ILRUN: variants seen among roughly 807,000 people sequenced by gnomAD.
ILRUN encodes the protein protein ILRUN.
In ILRUN, 3 loss-of-function variants were observed where a neutral mutation model predicts 33.8. The ratio of observed to expected loss-of-function variants is 0.09; its 90% CI spans 0.04 to 0.23. ILRUN has a LOEUF of 0.23. Among genes scored for constraint, ILRUN ranks in the 10% least tolerant of loss-of-function variants. The probability of loss-of-function intolerance (pLI) is 1.00; values close to 1 mark genes in which losing one functional copy is unlikely to be tolerated. For missense variants in ILRUN, 210 were observed against 375.1 expected, an observed-to-expected ratio of 0.56 and a Z score of 3.64; for synonymous variants, 124 against 138.9, an observed-to-expected ratio of 0.89 and a Z score of 0.75.
intron 1 of ILRUN, among the ~76,000 whole-genome samples, chr6:34,690,495 AATTG>A (rs905457309): frequency 3.5e-4 from 53 of 152,012 alleles, no homozygotes; most frequent in East Asian, 2.5e-3. Flanking sequence ...TAAATAAATA[AATTG>A]ATTAAAAGGG....
At chr6:34,597,237 C>T (rs1175552150) in intron 4 of ILRUN, among the ~76,000 whole-genome samples, 2 of 152,158 alleles carry the variant, frequency 1.3e-5, no homozygotes, top group Non-Finnish European at 2.9e-5. Context: ...GTAAAGATTT[C>T]AGAAAAAAGC....
intron 1 of ILRUN, among the ~76,000 whole-genome samples, chr6:34,678,836 C>CAAAA (rs767799882): frequency 0.026 from 1,144 of 44,666 alleles, 29 homozygotes; most frequent in African/African-American, 0.041. Flanking sequence ...GACTCCGTCT[C>CAAAA]AAAAAAAAAA....
intron 2 of ILRUN, among the ~76,000 whole-genome samples, chr6:34,648,427 G>A (rs911525129): frequency 1.3e-5 from 2 of 152,122 alleles, no homozygotes; most frequent in Non-Finnish European, 2.9e-5. Context: ...ATTATGAATG[G>A]CACCCTCTGT....
intron 3 of ILRUN, among the ~76,000 whole-genome samples, chr6:34,608,703 T>C (rs567612239): frequency 8.1e-4 from 124 of 152,308 alleles, no homozygotes; most frequent in African/African-American, 2.9e-3. Flanking sequence ...AAAACATCAT[T>C]ATACAGTACA....
At chr6:34,654,545 T>C (rs1762733257) in intron 2 of ILRUN, 80 bp downstream of exon 2, 1 of 1,427,502 alleles carries the variant, frequency 7.0e-7, no homozygotes, top group Non-Finnish European at 9.5e-7. Flanking sequence ...ATCACATACA[T>C]AAGCTAAAAC....
rs549466574 is a variant in ILRUN at position 34,661,953 on chromosome 6, G to A, written c.159-7174C>T. 1.3e-4 allele frequency among the ~76,000 whole-genome samples: 20 copies of A among 151,928 alleles called. No individual in the cohort carries two copies. In the South Asian group the frequency reaches 3.5e-3, roughly 27 times the overall value. On this transcript the variant is annotated intron_variant, in intron 1 of 4. Transcript: ENST00000374023. ...ATCCTGGCTAAAACAGTGAAACCCC[G>A]TCTCTACTAAAAATGCAAAAAATTA...
chr6:34,682,590 CA>C (rs1763391707), intron 1 of ILRUN, among the ~76,000 whole-genome samples: 1 of 151,892 alleles, frequency 6.6e-6, no homozygotes, highest in African/African-American at 2.4e-5. Flanking sequence ...CCTCTCATCT[CA>C]GCCTCCCAAG....
intron 3 of ILRUN, among the ~76,000 whole-genome samples, chr6:34,631,535 G>C (rs572578580): frequency 2.6e-5 from 4 of 152,134 alleles, no homozygotes; most frequent in Admixed American, 2.0e-4. Flanking sequence ...CACCAAGTTG[G>C]CCAGGCTGGT....
At chr6:34,679,464 A>G (rs149643045) in intron 1 of ILRUN, among the ~76,000 whole-genome samples, 1,713 of 152,342 alleles carry the variant, frequency 0.011, 12 homozygotes, top group Non-Finnish European at 0.016. Context: ...GAAATGTTCA[A>G]TACTGAATTT....
chr6:34,683,007 T>C (rs1347472805), intron 1 of ILRUN, among the ~76,000 whole-genome samples: 1 of 151,760 alleles, frequency 6.6e-6, no homozygotes, highest in African/African-American at 2.4e-5. Context: ...CACACATCTG[T>C]AGTCCCAGCT....
chr6:34,600,381 T>C (rs1024826752), intron 4 of ILRUN, among the ~76,000 whole-genome samples: 3 of 152,210 alleles, frequency 2.0e-5, no homozygotes, highest in Non-Finnish European at 2.9e-5. Context: ...CCTAAAATAT[T>C]CTTTCTCCAG....
At chr6:34,676,998 TAAA>T (rs3044899) in intron 1 of ILRUN, among the ~76,000 whole-genome samples, 3,046 of 131,214 alleles carry the variant, frequency 0.023, 66 homozygotes, top group African/African-American at 0.058. Flanking sequence ...ATGTCACAAT[TAAA>T]AAAAAAAAAA....
At chr6:34,613,788 T>G (rs1467088409) in intron 3 of ILRUN, among the ~76,000 whole-genome samples, 1 of 152,256 alleles carries the variant, frequency 6.6e-6, no homozygotes, top group Non-Finnish European at 1.5e-5. Flanking sequence ...ATGTATTATC[T>G]AGCTCTGTTT....
chr6:34,678,152 G>C (rs1040103268), intron 1 of ILRUN, among the ~76,000 whole-genome samples: 3 of 152,052 alleles, frequency 2.0e-5, no homozygotes, highest in African/African-American at 7.2e-5. Flanking sequence ...AGATTCTCCT[G>C]CTTCAGCCTC....
intron 3 of ILRUN, among the ~76,000 whole-genome samples, chr6:34,637,176 G>A (rs925944973): frequency 6.6e-6 from 1 of 152,066 alleles, no homozygotes; most frequent in African/African-American, 2.4e-5. Flanking sequence ...CTCTGACAGG[G>A]CTATATTCCC....
intron 3 of ILRUN, among the ~76,000 whole-genome samples, chr6:34,640,574 G>A (rs1375708065): frequency 6.6e-6 from 1 of 152,018 alleles, no homozygotes; most frequent in Non-Finnish European, 1.5e-5. Flanking sequence ...GCCGGGTGTG[G>A]TGGCGCGCAC....
At chr6:34,645,359 T>C (rs945495813) in intron 3 of ILRUN, among the ~76,000 whole-genome samples, 1 of 152,026 alleles carries the variant, frequency 6.6e-6, no homozygotes, top group African/African-American at 2.4e-5. Context: ...GAGAAGGATA[T>C]AAGGTTGGTT....
chr6:34,590,634 ACAT>A, intron 4 of ILRUN, 34 bp from the exon 5 acceptor site: 1 of 1,472,464 alleles, frequency 6.8e-7, no homozygotes, highest in South Asian at 1.1e-5. Context: ...GTGATGGTAC[ACAT>A]AGCAGTGCAA....
chr6:34,600,572 G>C (rs1293122785), intron 4 of ILRUN, among the ~76,000 whole-genome samples: 1 of 152,150 alleles, frequency 6.6e-6, no homozygotes, highest in Non-Finnish European at 1.5e-5. Flanking sequence ...TTTGGTTTTT[G>C]TGTGTGTGAC....
Sources: gnomAD v4.1 joint callset for allele counts (sites outside exome capture counted in the v4.1 genomes callset) on GRCh38, gnomAD v4.1.1 for gene constraint, MANE v1.5 for transcripts, NCBI Gene and HGNC (gene_info 2026-07-23, HGNC 2026-07-21) for gene names.